The following SYNE1 variants were observed in gnomAD, a reference collection of about 807,000 sequenced individuals.
SYNE1 encodes spectrin repeat containing nuclear envelope protein 1.
Under a neutral mutation model 1,111.0 loss-of-function variants are expected in SYNE1, and 616 were observed. The observed-to-expected ratio is 0.55, with a 90% CI of 0.52 to 0.59. SYNE1 has a LOEUF of 0.59. Ranked by LOEUF, SYNE1 falls within the 20% of genes least tolerant of loss-of-function variation. SYNE1 has a pLI of 0.00. For synonymous variants in SYNE1, 3,855 were observed against 3,825.8 expected, an observed-to-expected ratio of 1.01 and a Z score of -0.28; for missense variants, 10,006 against 10,417.0, an observed-to-expected ratio of 0.96 and a Z score of 1.72.
intron 87 of SYNE1, 22 bp from the exon 88 acceptor site, chr6:152,310,895 C>T (rs886443021): frequency 6.2e-7 from 1 of 1,610,738 alleles, no homozygotes; most frequent in African/African-American, 1.3e-5. Flanking sequence ...TGTCAATATT[C>T]ATGACATTGA....
chr6:152,607,495 C>A (rs1169802274), intron 3 of SYNE1, among the ~76,000 whole-genome samples: 3 of 151,894 alleles, frequency 2.0e-5, no homozygotes, highest in Non-Finnish European at 4.4e-5. Flanking sequence ...AATGAGATAT[C>A]ATCTCATGCC....
chr6:152,603,866 G>T lies in SYNE1; in HGVS notation c.67+24399C>A, dbSNP rs966299867. Among the ~76,000 whole-genome samples the T allele has an allele frequency of 8.4e-5, 11 of 130,588 alleles. No individual in the cohort carries two copies. In the East Asian group the frequency reaches 2.0e-3, roughly 24 times the overall value. 85.7% of individuals were successfully genotyped at this position (130,588 alleles called of 152,430 possible). ...CTATACATATATGTATATATAGATA[G>T]ATATACTATCTATCTATACATGCAT... On this transcript the variant is annotated intron_variant, in intron 3 of 145. Transcript: ENST00000367255.
rs565823450 is a variant in SYNE1, at chr6:152,358,601, G to C, written c.10444-64C>G. The C allele has an allele frequency of 7.2e-6, 11 of 1,534,664 alleles. No homozygotes were observed. The African/African-American group carries it at 1.2e-4, about 17-fold the overall frequency. ...TTACTTTATAAAGCATCAGTGTGCT[G>C]TAATTCACTTTTGTAATTTTAGAAA... On this transcript the variant is annotated intron_variant, in intron 65 of 145. Coordinates refer to ENST00000367255, the MANE Select transcript of SYNE1 (RefSeq NM_182961.4).
At chr6:152,365,218 T>C (rs943513265) in intron 62 of SYNE1, among the ~76,000 whole-genome samples, 199 bp from the exon 63 acceptor site, 1 of 152,184 alleles carries the variant, frequency 6.6e-6, no homozygotes, top group African/African-American at 2.4e-5. Flanking sequence ...TTTTACTAAG[T>C]GGCCTTGGTG....
chr6:152,624,248 C>G (rs762297887), intron 3 of SYNE1, among the ~76,000 whole-genome samples: 1 of 152,114 alleles, frequency 6.6e-6, no homozygotes, highest in Non-Finnish European at 1.5e-5. Flanking sequence ...GCATTTACCA[C>G]TTTTTCTGTA....
At chr6:152,270,066 G>A (rs1262350478) in intron 98 of SYNE1, among the ~76,000 whole-genome samples, 1 of 152,166 alleles carries the variant, frequency 6.6e-6, no homozygotes, top group African/African-American at 2.4e-5. Flanking sequence ...TAGGCAGGAA[G>A]CCTCATCCCT....
chr6:152,409,790 T>TAG, intron 42 of SYNE1, 81 bp from the exon 43 acceptor site: 2 of 1,461,956 alleles, frequency 1.4e-6, no homozygotes, highest in Non-Finnish European at 9.5e-7. Flanking sequence ...ACTTGATGTT[T>TAG]CACTACGTAA....
At chr6:152,202,005 G>A (rs2075566236) in intron 126 of SYNE1, 56 bp from the exon 127 acceptor site, 2 of 1,600,398 alleles carry the variant, frequency 1.2e-6, no homozygotes, top group Admixed American at 1.7e-5. Flanking sequence ...GAAACTGGGG[G>A]GGGAAAAGAA....
chr6:152,374,060 A>G (rs2097236175), intron 58 of SYNE1, among the ~76,000 whole-genome samples: 2 of 152,350 alleles, frequency 1.3e-5, no homozygotes, highest in African/African-American at 4.8e-5. Context: ...ATGCTATTAA[A>G]TGGAGCAGAT....
chr6:152,610,201 C>T (rs1345596809), intron 3 of SYNE1, among the ~76,000 whole-genome samples: 1 of 152,110 alleles, frequency 6.6e-6, no homozygotes, highest in African/African-American at 2.4e-5. Context: ...CTTCTCCAAG[C>T]TAAAGGAGCA....
chr6:152,485,254 A>G (rs1341236997), intron 12 of SYNE1, among the ~76,000 whole-genome samples: 1 of 152,202 alleles, frequency 6.6e-6, no homozygotes, highest in African/African-American at 2.4e-5. Context: ...CTTATCAAGG[A>G]CAAGTAGTAG....
chr6:152,299,141 G>A (rs1481912580), intron 93 of SYNE1, among the ~76,000 whole-genome samples: 1 of 152,152 alleles, frequency 6.6e-6, no homozygotes, highest in Non-Finnish European at 1.5e-5. Flanking sequence ...TTTACAAGAA[G>A]TAGCATGGAG....
chr6:152,175,389 T>C (rs2066179699), intron 130 of SYNE1, among the ~76,000 whole-genome samples: 1 of 152,148 alleles, frequency 6.6e-6, no homozygotes, highest in Non-Finnish European at 1.5e-5. Context: ...GATGAGCACA[T>C]GGTACGCAGA....
intron 56 of SYNE1, among the ~76,000 whole-genome samples, chr6:152,379,085 A>G (rs1179988916): frequency 6.6e-6 from 1 of 152,248 alleles, no homozygotes; most frequent in Non-Finnish European, 1.5e-5. Context: ...TTAGCATTCA[A>G]CAAAAACATA....
chr6:152,391,071 ATTAT>A (rs1354978103), intron 52 of SYNE1, among the ~76,000 whole-genome samples: 1 of 152,214 alleles, frequency 6.6e-6, no homozygotes, highest in Non-Finnish European at 1.5e-5. Context: ...CAAATTTAAA[ATTAT>A]TTAAAGCTAT....
At chr6:152,167,715 C>A (rs1316231781) in intron 130 of SYNE1, 1 of 524,424 alleles carries the variant, frequency 1.9e-6, no homozygotes, top group South Asian at 1.4e-5. Flanking sequence ...AGCTGTGAAC[C>A]AGCTAAGGCT....
At chr6:152,598,585 G>C (rs1048740462) in intron 3 of SYNE1, among the ~76,000 whole-genome samples, 5 of 152,198 alleles carry the variant, frequency 3.3e-5, no homozygotes, top group Non-Finnish European at 5.9e-5. Context: ...AGCTTCAAGA[G>C]TTTCAAAATA....
chr6:152,130,217 A>G (rs1376273330), intron 145 of SYNE1, among the ~76,000 whole-genome samples: 1 of 152,170 alleles, frequency 6.6e-6, no homozygotes, highest in Non-Finnish European at 1.5e-5. Flanking sequence ...TCCAATGAAC[A>G]CCAAATTAGG....
intron 129 of SYNE1, among the ~76,000 whole-genome samples, chr6:152,177,587 G>A (rs2066808267): frequency 6.6e-6 from 1 of 152,108 alleles, no homozygotes; most frequent in Admixed American, 6.5e-5. Context: ...GAATGGTAGG[G>A]ACCAACAAAA....
Sources: gnomAD v4.1 joint callset for allele counts (sites outside exome capture counted in the v4.1 genomes callset) on GRCh38, gnomAD v4.1.1 for gene constraint, MANE v1.5 for transcripts, NCBI Gene and HGNC (gene_info 2026-07-23, HGNC 2026-07-21) for gene names.